Variants in HIGD1C observed in about 807,000 individuals in gnomAD.
HIGD1C encodes the protein HIG1 hypoxia inducible domain family member 1C.
HIGD1C carries 11 observed loss-of-function variants against 13.1 expected under a neutral mutation model. That is an observed-to-expected ratio of 0.84 (90% CI 0.53 to 1.39). The LOEUF (loss-of-function observed/expected upper bound fraction) is 1.39, where lower values mean the gene tolerates loss of function less well. Among genes scored for constraint, HIGD1C ranks in the 40% most tolerant of loss-of-function variants. HIGD1C has a pLI of 0.00. For missense variants in HIGD1C, 110 were observed against 112.0 expected, an observed-to-expected ratio of 0.98 and a Z score of 0.08; for synonymous variants, 36 against 37.7, an observed-to-expected ratio of 0.95 and a Z score of 0.17.
At chr12:50,954,245 T>C in intron 1 of HIGD1C, 153 bp downstream of exon 3, 1 of 510,706 alleles carries the variant, frequency 2.0e-6, no homozygotes, top group Non-Finnish European at 3.5e-6. Flanking sequence ...TTCAGAATAG[T>C]TCCTAATACA....
intron 2 of HIGD1C, among the ~76,000 whole-genome samples, chr12:50,961,785 C>A (rs190322784): frequency 2.0e-5 from 3 of 152,136 alleles, no homozygotes; most frequent in African/African-American, 7.2e-5. Flanking sequence ...CCCTTCATGA[C>A]GTGCAGAGTG....
chr12:50,972,042 A>G (rs1030833120), downstream of HIGD1C, among the ~76,000 whole-genome samples: 36 of 152,384 alleles, frequency 2.4e-4, no homozygotes, highest in Non-Finnish European at 5.0e-4. Context: ...GAAAGAATCC[A>G]ACTGCTTTAT....
chr12:50,956,894 A>G (rs533115591), intron 1 of HIGD1C, among the ~76,000 whole-genome samples: 17 of 152,216 alleles, frequency 1.1e-4, no homozygotes, highest in Admixed American at 3.9e-4. Context: ...CATTTGTTAT[A>G]TATTTCCAGA....
the HIGD1C span, among the ~76,000 whole-genome samples, chr12:50,937,929 G>A: frequency 1.2e-3 from 177 of 152,210 alleles, 1 homozygote; most frequent in African/African-American, 4.0e-3. Flanking sequence ...GCCATGCATG[G>A]GCCTGGGAAA....
intron 2 of HIGD1C, among the ~76,000 whole-genome samples, chr12:50,968,105 G>A (rs79133395): frequency 0.021 from 2,226 of 107,558 alleles, 52 homozygotes; most frequent in African/African-American, 0.063. Context: ...GAAGAAGAAG[G>A]AGGAGGAGGA....
chr12:50,965,091 C>T (rs546449486), intron 2 of HIGD1C, among the ~76,000 whole-genome samples: 12 of 152,020 alleles, frequency 7.9e-5, no homozygotes, highest in Admixed American at 5.9e-4. Flanking sequence ...TAGGGTAATG[C>T]TTTTGTTTTA....
At chr12:50,958,282 CTTTT>C (rs71089718) in intron 1 of HIGD1C, among the ~76,000 whole-genome samples, 2 of 133,924 alleles carry the variant, frequency 1.5e-5, no homozygotes, top group Admixed American at 7.5e-5. Flanking sequence ...CTAAAATAAT[CTTTT>C]TTTTTTTTTT....
the HIGD1C span, among the ~76,000 whole-genome samples, chr12:50,935,916 G>A: frequency 7.2e-5 from 11 of 152,128 alleles, no homozygotes; most frequent in Non-Finnish European, 1.3e-4. Context: ...CCTGCACTTT[G>A]GGAGGCCAAG....
At chr12:50,937,890 G>A in the HIGD1C span, among the ~76,000 whole-genome samples, 1 of 152,148 alleles carries the variant, frequency 6.6e-6, no homozygotes, top group Non-Finnish European at 1.5e-5. Flanking sequence ...TCAGAATGGA[G>A]GAAGTGCATG....
At chr12:50,958,925 G>A (rs993836186) in intron 1 of HIGD1C, among the ~76,000 whole-genome samples, 1 of 151,508 alleles carries the variant, frequency 6.6e-6, no homozygotes, top group Admixed American at 6.6e-5. Context: ...GCTGAGGCAC[G>A]AGAATCACTT....
intron 2 of HIGD1C, among the ~76,000 whole-genome samples, chr12:50,961,427 G>A (rs1044865414): frequency 6.6e-6 from 1 of 152,164 alleles, no homozygotes; most frequent in Non-Finnish European, 1.5e-5. Context: ...TATTGTGGCT[G>A]TGATCCCCAT....
chr12:50,949,849 C>T (rs1350656773), upstream of HIGD1C, among the ~76,000 whole-genome samples: 1 of 152,074 alleles, frequency 6.6e-6, no homozygotes, highest in Admixed American at 6.6e-5. Context: ...GTAGCAGAAC[C>T]ACCACCCAAG....
At chr12:50,960,066 C>T (rs1341735595) in intron 1 of HIGD1C, among the ~76,000 whole-genome samples, 1 of 152,200 alleles carries the variant, frequency 6.6e-6, no homozygotes, top group Non-Finnish European at 1.5e-5. Context: ...GAGCCAGTTA[C>T]ACAGAATCTT....
chr12:50,967,430 A>G (rs1365430856), intron 2 of HIGD1C, among the ~76,000 whole-genome samples: 1 of 152,060 alleles, frequency 6.6e-6, no homozygotes, highest in African/African-American at 2.4e-5. Flanking sequence ...TACGGGCATG[A>G]GCTACCAGAC....
intron 1 of HIGD1C, among the ~76,000 whole-genome samples, chr12:50,959,792 C>A (rs1363697850): frequency 6.6e-6 from 1 of 152,140 alleles, no homozygotes; most frequent in Non-Finnish European, 1.5e-5. Context: ...GGATTACAGG[C>A]ATGTACCACC....
the HIGD1C span, among the ~76,000 whole-genome samples, chr12:50,947,221 T>G: frequency 1.1e-3 from 174 of 152,316 alleles, no homozygotes; most frequent in South Asian, 7.5e-3. Context: ...CTTGTATTAG[T>G]TTCCTACTGC....
At chr12:50,957,937 G>GGT (rs71089717) in intron 1 of HIGD1C, among the ~76,000 whole-genome samples, 20,719 of 132,122 alleles carry the variant, frequency 0.16, 1,829 homozygotes, top group Non-Finnish European at 0.19. Flanking sequence ...ATGAATTGGA[G>GGT]GTGTGTGTGT....
the HIGD1C span, among the ~76,000 whole-genome samples, chr12:50,937,672 G>A: frequency 6.6e-6 from 1 of 152,162 alleles, no homozygotes; most frequent in East Asian, 1.9e-4. Context: ...CATAGACACT[G>A]GAGGGTGAAG....
At chr12:50,948,316 A>C in the HIGD1C span, among the ~76,000 whole-genome samples, 1 of 152,054 alleles carries the variant, frequency 6.6e-6, no homozygotes, top group African/African-American at 2.4e-5. Flanking sequence ...AATTTCACTC[A>C]TAATACAAGA....
Sources: allele counts gnomAD v4.1 joint callset (sites outside exome capture counted in the v4.1 genomes callset), GRCh38; gene constraint gnomAD v4.1.1; transcripts MANE v1.5; gene names NCBI Gene and HGNC (gene_info 2026-07-23, HGNC 2026-07-21).